EPS8L1: variants seen among roughly 807,000 people sequenced by gnomAD.
EPS8L1 encodes the protein epidermal growth factor receptor kinase substrate 8-like protein 1.
In EPS8L1, 101 loss-of-function variants were observed where a neutral mutation model predicts 91.7. The ratio of observed to expected loss-of-function variants is 1.10; its 90% CI spans 0.94 to 1.30. The LOEUF (loss-of-function observed/expected upper bound fraction) is 1.30, where lower values mean the gene tolerates loss of function less well. Among genes scored for constraint, EPS8L1 ranks in the 50% most tolerant of loss-of-function variants. The pLI is 0.00. For missense variants in EPS8L1, 1,114 were observed against 1,017.0 expected (o/e 1.10, Z -1.30); for synonymous variants, 506 against 445.3 (o/e 1.14, Z -1.72).
Position 55,082,593 on chromosome 19 carries a change from C to A in EPS8L1, c.1205C>A (p.Thr402Asn). 2.6e-6 allele frequency: 4 copies of A among 1,562,080 alleles called. No individual in the cohort carries two copies. The highest frequency in any genetic ancestry group is 1.2e-5 in the South Asian group (1 of 85,784). ...TGGACCTCGCTGGGGGACTCGTGGA[C>A]CCGCCCCGGGTGAGGGGCGGGGCTG... ...ELWTSLGDSW[T>N]RPGLELSPEE... Residue 402 changes from threonine to asparagine, a missense_variant, in exon 12 of 20, where the codon ACC (threonine) becomes AAC (asparagine). Coordinates refer to ENST00000201647, the MANE Select transcript of EPS8L1 (RefSeq NM_133180.3).
At position 55,087,672 on chromosome 19, in the gene EPS8L1, G is replaced by T; in HGVS notation, c.*58G>T. On this transcript the variant is annotated 3_prime_UTR_variant, in exon 20 of 20. Coordinates refer to ENST00000201647, the MANE Select transcript of EPS8L1 (RefSeq NM_133180.3). ...GCCCCGTGGGAGAACGGACTCCTCA[G>T]ACTCTCCCCAATAGCGGAAGTCGAT... 2 of 1,559,806 alleles carry T rather than the reference G, an allele frequency of 1.3e-6. No individual in the cohort carries two copies. The highest frequency in any genetic ancestry group is 2.3e-5 in the South Asian group (2 of 88,578).
rs749393361 is a variant in EPS8L1 at position 55,087,570 on chromosome 19, C to A, written c.2128C>A (p.Gln710Lys). 8.7e-6 allele frequency: 14 copies of A among 1,614,134 alleles called. No homozygotes were observed. The highest frequency in any genetic ancestry group is 1.2e-5 in the Non-Finnish European group (14 of 1,180,014). ...VSELEAVMEK[Q>K]KKKVEGEVEM... ...AGAGCTGGAGGCAGTGATGGAGAAG[C>A]AAAAGAAGAAGGTGGAAGGCGAGGT... Residue 710 changes from glutamine to lysine, a missense_variant, in exon 20 of 20, where the codon CAA becomes AAA. By Grantham distance (53) the Gln-to-Lys change is moderately conservative (BLOSUM62 1). Coordinates refer to ENST00000201647, the MANE Select transcript of EPS8L1 (RefSeq NM_133180.3).
intron 14 of EPS8L1, 72 bp from the exon 15 acceptor site, chr19:55,085,769 C>T: frequency 6.4e-7 from 1 of 1,555,468 alleles, no homozygotes. Flanking sequence ...CCCCAGCTCA[C>T]ACCAGCACCC....
intron 14 of EPS8L1, chr19:55,084,016 G>A: frequency 2.0e-6 from 1 of 506,164 alleles, no homozygotes; most frequent in Non-Finnish European, 3.6e-6. Flanking sequence ...TCCCTAGGAG[G>A]ACAGAGCCCT....
rs1188365428 is a variant in EPS8L1, at chr19:55,081,744, C to T, written c.775-29C>T. On this transcript the variant is annotated intron_variant, in intron 8 of 19. Coordinates refer to ENST00000201647, the MANE Select transcript of EPS8L1 (RefSeq NM_133180.3). The surrounding 1 kb of genome is among the most constrained non-coding windows in gnomAD (Gnocchi z 4.9). ...GGGGATGGTTTTGGAACTCGGGAGC[C>T]CTGAGCGTCCCCCTCCTCTGTCCCC... 6.3e-6 allele frequency: 10 copies of T among 1,581,794 alleles called. No individual in the cohort carries two copies. Among genetic ancestry groups the T allele is most frequent in the Admixed American group, 1.8e-5 (1 of 54,972 alleles).
In EPS8L1 at chr19:55,085,695, C is replaced by T. The variant is rs1002916939; in HGVS notation, c.1386-146C>T. Reference sequence around the variant, plus strand: ...GAGCAAATATATTCAGTCTGTTATTCTTGTTTCAAATTTCTATTAACAGTA... The same window carrying T: ...GAGCAAATATATTCAGTCTGTTATTTTTGTTTCAAATTTCTATTAACAGTA... On this transcript the variant is annotated intron_variant, in intron 14 of 19. Coordinates refer to ENST00000201647, the MANE Select transcript of EPS8L1 (RefSeq NM_133180.3). The T allele has an allele frequency of 5.4e-6, 5 of 932,402 alleles. No individual in the cohort carries two copies. In the African/African-American group the frequency reaches 8.3e-5, roughly 15 times the overall value. 57.8% of individuals were successfully genotyped at this position (932,402 alleles called of 1,614,324 possible).
At position 55,081,209 on chromosome 19, in the gene EPS8L1, G is replaced by T. The variant is rs946541747; in HGVS notation, c.513-22G>T. The T allele has an allele frequency of 2.0e-6, 3 of 1,494,250 alleles. No homozygotes were observed. The African/African-American group carries it at 4.2e-5, about 21-fold the overall frequency. 92.6% of individuals were successfully genotyped at this position (1,494,250 alleles called of 1,614,324 possible). On this transcript the variant is annotated intron_variant, in intron 7 of 19. Transcript: ENST00000201647. The surrounding 1 kb of genome is among the most constrained non-coding windows in gnomAD (Gnocchi z 4.9). ...GGACCCCTCAGTGGACCCAGTCTTG[G>T]TGTCCCCGTCGCCCTCCGCAGGGCC...
chr19:55,080,840 G>C lies in EPS8L1; in HGVS notation c.498G>C (p.Arg166Ser), dbSNP rs769379052. Residue 166 changes from arginine to serine, a missense_variant, in exon 7 of 20, where the codon AGG becomes AGC. Arg to Ser is a moderately radical substitution (Grantham distance 110, BLOSUM62 -1). Transcript: ENST00000201647. The stretch of plus-strand genomic sequence containing the variant: ...ACCGCTCGGGCCGCGGGGAGCGCAG[G>C]GCGGCGGCGCTCAGGTGAGAGGGAA... ...HNYRSGRGER[R>S]AAALRATQEE... 6.2e-7 allele frequency: 1 copy of C among 1,610,592 alleles called. No individual in the cohort carries two copies. Among genetic ancestry groups the C allele is most frequent in the African/African-American group, 1.3e-5 (1 of 74,880 alleles).
chr19:55,081,562 C>G lies in EPS8L1; in HGVS notation c.774+70C>G. 1 of 1,397,760 alleles carries G rather than the reference C, an allele frequency of 7.2e-7. No individual in the cohort carries two copies. Among genetic ancestry groups the G allele is most frequent in the Non-Finnish European group, 9.3e-7 (1 of 1,073,454 alleles). 86.6% of individuals were successfully genotyped at this position (1,397,760 alleles called of 1,614,324 possible). ...GAGGCGGGGCTAGGGCGTGGAAGGG[C>G]GGGGCCGGCTGCGGGACGGGCGTTC... On this transcript the variant is annotated intron_variant, in intron 8 of 19. Coordinates refer to ENST00000201647, the MANE Select transcript of EPS8L1 (RefSeq NM_133180.3). The surrounding 1 kb of genome is among the most constrained non-coding windows in gnomAD (Gnocchi z 4.9).
chr19:55,078,244 GAAGAGGT>G, intron 3 of EPS8L1, 116 bp downstream of exon 3: 2 of 736,092 alleles, frequency 2.7e-6, no homozygotes, highest in Admixed American at 2.8e-5. Flanking sequence ...GAGTCAGAGG[GAAGAGGT>G]GCTGGGGGTC....
Position 55,087,040 on chromosome 19 carries a change from A to G in EPS8L1, c.1952+152A>G, listed in dbSNP as rs898544701. The G allele has an allele frequency of 7.2e-6, 8 of 1,115,126 alleles. No individual in the cohort carries two copies. The Admixed American group carries it at 9.7e-5, about 14-fold the overall frequency. 69.1% of individuals were successfully genotyped at this position (1,115,126 alleles called of 1,614,324 possible). A position where few individuals can be genotyped will look rare whatever the true frequency, so the allele number is the denominator to read the frequency against. Reference sequence around the variant, plus strand: ...AGGGTCTGTCTGGTAGCAACACCCAATGGCAGGCTGTGATTGCCATGTTTT... The same window carrying G: ...AGGGTCTGTCTGGTAGCAACACCCAGTGGCAGGCTGTGATTGCCATGTTTT... On this transcript the variant is annotated intron_variant, in intron 18 of 19. Transcript: ENST00000201647.
intron 12 of EPS8L1, 57 bp downstream of exon 12, chr19:55,082,659 G>A: frequency 6.8e-7 from 1 of 1,480,170 alleles, no homozygotes. Flanking sequence ...ATAAGGCGCT[G>A]GGAGGTGGGT....
intron 14 of EPS8L1, 157 bp from the exon 15 acceptor site, chr19:55,085,684 A>C: frequency 1.2e-6 from 1 of 826,398 alleles, no homozygotes; most frequent in Non-Finnish European, 1.9e-6. Flanking sequence ...AAATATATTC[A>C]GTCTGTTATT....
In EPS8L1 at chr19:55,080,199, G is replaced by A; in HGVS notation, c.350G>A (p.Arg117His). 1 of 1,536,856 alleles carries A rather than the reference G, an allele frequency of 6.5e-7. No homozygotes were observed. The stretch of plus-strand genomic sequence containing the variant: ...GCGGTGATGCCACCCGGCAGGAGCC[G>A]CTCGTTGCTGCTGCTCGTGTGCCAG... Reference protein sequence around the residue: ...CDAVMPPGRSRSLLLLVCQEP... With the variant: ...CDAVMPPGRSHSLLLLVCQEP... Residue 117 changes from arginine to histidine, a missense_variant, in exon 6 of 20, where the codon CGC (arginine) becomes CAC (histidine). By Grantham distance (29) the Arg-to-His change is conservative. Transcript: ENST00000201647.
chr19:55,086,671 G>A (rs752656816), intron 17 of EPS8L1, 43 bp from the exon 18 acceptor site: 15 of 804,198 alleles, frequency 1.9e-5, no homozygotes, highest in Non-Finnish European at 2.6e-5. Flanking sequence ...AGGACCCCTC[G>A]CCCTGAGCCC....
At chr19:55,086,939 C>T in intron 18 of EPS8L1, 51 bp downstream of exon 18, 3 of 1,400,806 alleles carry the variant, frequency 2.1e-6, no homozygotes, top group Non-Finnish European at 2.8e-6. Context: ...ACGCTGGGAG[C>T]GGAGCGTTCC....
Position 55,076,335 on chromosome 19 carries a change from A to G in EPS8L1, c.-37-73A>G, listed in dbSNP as rs1348966870. 1.1e-5 allele frequency: 15 copies of G among 1,382,392 alleles called. No individual in the cohort carries two copies. In the East Asian group the frequency reaches 3.6e-4, roughly 33 times the overall value. The allele number at this position is 1,382,392 out of a possible 1,614,324, so 85.6% of individuals were successfully genotyped here. On this transcript the variant is annotated intron_variant, in intron 1 of 19. Coordinates refer to ENST00000201647, the MANE Select transcript of EPS8L1 (RefSeq NM_133180.3). ...GAGGGGCTGGGGCCTGGATGCCTGC[A>G]TTGAGGGAGGAGGCTGGGGTAGGAA... is the stretch of plus-strand genomic sequence containing the variant.
In EPS8L1 at chr19:55,082,171, C is replaced by T. The variant is rs779497873; in HGVS notation, c.981C>T (p.Phe327=). The change falls in exon 10 of 20, where the codon TTC becomes TTT. Residue 327 remains phenylalanine, a synonymous_variant. Coordinates refer to ENST00000201647, the MANE Select transcript of EPS8L1 (RefSeq NM_133180.3). ...TDVLQKIKYA[F]SLLARLRGNI... ...TGCTGCAGAAGATCAAGTACGCCTTCAGCCTGCTGGTGAGGACGCGCCCGC... is the reference window on the plus strand; with the variant it reads ...TGCTGCAGAAGATCAAGTACGCCTTTAGCCTGCTGGTGAGGACGCGCCCGC... 11 of 1,599,050 alleles carry T rather than the reference C, an allele frequency of 6.9e-6. No individual in the cohort carries two copies. Among genetic ancestry groups the T allele is most frequent in the Non-Finnish European group, 9.4e-6 (11 of 1,173,414 alleles).
At chr19:55,086,642 C>CT (rs2076355400) in intron 17 of EPS8L1, 72 bp from the exon 18 acceptor site, 2 of 1,410,346 alleles carry the variant, frequency 1.4e-6, no homozygotes, top group Admixed American at 2.2e-5. Flanking sequence ...AGCGCCCCCC[C>CT]GCCCCGCCCT....
Sources: allele counts gnomAD v4.1 joint callset, GRCh38; gene constraint gnomAD v4.1.1; non-coding constraint Gnocchi (gnomAD v3.1); transcripts MANE v1.5; gene names NCBI Gene and HGNC (gene_info 2026-07-23, HGNC 2026-07-21).